The following PDIA5 variants were observed in gnomAD, a reference collection of about 807,000 sequenced individuals.
PDIA5 encodes the protein protein disulfide-isomerase A5.
Under a neutral mutation model 77.6 loss-of-function variants are expected in PDIA5, and 58 were observed. The ratio of observed to expected loss-of-function variants is 0.75; its 90% CI spans 0.61 to 0.93. PDIA5 has a LOEUF of 0.93. PDIA5 is among the 40% of genes least tolerant of loss of function. The pLI is 0.00. For missense variants in PDIA5, 630 were observed against 647.7 expected (o/e 0.97, Z 0.30); for synonymous variants, 250 against 252.1 (o/e 0.99, Z 0.08).
intron 11 of PDIA5, among the ~76,000 whole-genome samples, chr3:123,136,616 G>C (rs972370591): frequency 1.3e-5 from 2 of 150,312 alleles, no homozygotes; most frequent in African/African-American, 2.4e-5. Context: ...GTGCACGCCT[G>C]TAGTCCCAGC....
At chr3:123,147,926 C>T (rs968320225) in intron 13 of PDIA5, among the ~76,000 whole-genome samples, 7 of 152,122 alleles carry the variant, frequency 4.6e-5, no homozygotes, top group African/African-American at 7.2e-5. Flanking sequence ...TCCAGAGTGT[C>T]GATCATCACT....
At chr3:123,094,236 G>A (rs764385792) in intron 3 of PDIA5, among the ~76,000 whole-genome samples, 19 of 152,230 alleles carry the variant, frequency 1.2e-4, no homozygotes, top group Non-Finnish European at 2.6e-4. Context: ...TCCTGTAAGA[G>A]GAAATAGAAA....
chr3:123,106,597 C>A (rs1397634141), intron 5 of PDIA5, 152 bp from the exon 6 acceptor site: 7 of 624,582 alleles, frequency 1.1e-5, no homozygotes, highest in Non-Finnish European at 1.7e-5. Context: ...GCGGAAATAA[C>A]ACACCCTCCA....
chr3:123,075,021 GT>G (rs983984326), intron 1 of PDIA5, among the ~76,000 whole-genome samples: 23 of 152,306 alleles, frequency 1.5e-4, no homozygotes, highest in African/African-American at 3.9e-4. Context: ...AATTATTTCT[GT>G]TTGGTAAAGA....
chr3:123,070,923 A>G (rs1249145621), intron 1 of PDIA5, among the ~76,000 whole-genome samples: 3 of 152,122 alleles, frequency 2.0e-5, no homozygotes, highest in African/African-American at 7.2e-5. Flanking sequence ...ACTGGAAAAA[A>G]AAAATGGTGT....
At chr3:123,116,867 G>A (rs1279465425) in intron 8 of PDIA5, among the ~76,000 whole-genome samples, 1 of 152,150 alleles carries the variant, frequency 6.6e-6, no homozygotes, top group East Asian at 1.9e-4. Context: ...AAGGAGTGTA[G>A]GGAAGGATAG....
intron 11 of PDIA5, among the ~76,000 whole-genome samples, chr3:123,135,828 AT>A (rs1425301672): frequency 2.4e-5 from 1 of 40,944 alleles, no homozygotes; most frequent in Admixed American, 2.6e-4. Context: ...TTTAACTTTT[AT>A]TTTTTAAAAG....
intron 1 of PDIA5, among the ~76,000 whole-genome samples, chr3:123,067,879 T>A (rs996157466): frequency 5.9e-5 from 9 of 152,182 alleles, no homozygotes; most frequent in African/African-American, 2.2e-4. Flanking sequence ...AAGGCAAAGC[T>A]ACCCCCATAG....
chr3:123,106,916 C>G, intron 6 of PDIA5, 75 bp downstream of exon 6: 1 of 960,516 alleles, frequency 1.0e-6, no homozygotes, highest in South Asian at 1.4e-5. Flanking sequence ...GAAAGGAGCC[C>G]AACGAACTGA....
chr3:123,116,027 G>A (rs1269079759), intron 7 of PDIA5, among the ~76,000 whole-genome samples: 26 of 152,198 alleles, frequency 1.7e-4, no homozygotes, highest in Admixed American at 1.7e-3. Flanking sequence ...GCCTTGTTTT[G>A]CACCACTGAT....
At chr3:123,110,161 T>C (rs936516937) in intron 6 of PDIA5, among the ~76,000 whole-genome samples, 3 of 152,226 alleles carry the variant, frequency 2.0e-5, no homozygotes, top group African/African-American at 7.2e-5. Flanking sequence ...GGAAGAAAAG[T>C]CTCTACCCTG....
chr3:123,149,959 T>TG (rs993259286), intron 13 of PDIA5, among the ~76,000 whole-genome samples: 4 of 152,138 alleles, frequency 2.6e-5, no homozygotes, highest in Admixed American at 1.3e-4. Flanking sequence ...GGCCCACAAC[T>TG]GGGGGGGCTG....
rs1418325762 is a variant in PDIA5 at position 123,067,190 on chromosome 3, T to C, written c.26T>C (p.Leu9Pro). 3 of 1,247,858 alleles carry C rather than the reference T, an allele frequency of 2.4e-6. No individual in the cohort carries two copies. Among genetic ancestry groups the C allele is most frequent in the Non-Finnish European group, 3.0e-6 (3 of 990,560 alleles). 77.3% of individuals were successfully genotyped at this position (1,247,858 alleles called of 1,614,324 possible). Reference protein sequence around the residue: MARAGPAWLLLAIWVVLPS... With the variant: MARAGPAWPLLAIWVVLPS... ...ATGGCGCGGGCCGGGCCGGCGTGGC[T>C]GCTGCTGGCAATCTGGGTGAGACTG... is the stretch of plus-strand genomic sequence containing the variant. Residue 9 changes from leucine to proline, a missense_variant, in exon 1 of 17, where the codon CTG becomes CCG. Physicochemically the swap from Leu to Pro is moderately conservative, Grantham distance 98. Transcript: ENST00000316218.
In PDIA5 at chr3:123,130,514, C is replaced by G; in HGVS notation, c.808C>G (p.Pro270Ala). 1 of 1,614,054 alleles carries G rather than the reference C, an allele frequency of 6.2e-7. No homozygotes were observed. The highest frequency in any genetic ancestry group is 1.1e-5 in the South Asian group (1 of 91,064). The part of the protein sequence containing the change: ...QPPQPQVPET[P>A]WADEGGSVYH... The stretch of plus-strand genomic sequence containing the variant: ...GCCACAGCCCCAGGTCCCTGAGACT[C>G]CCTGGGCAGATGAGGGCGGCTCCGT... The change falls in exon 11 of 17, where the codon CCC becomes GCC. Residue 270 changes from proline (P) to alanine (A), a missense_variant. Physicochemically the swap from Pro to Ala is conservative, Grantham distance 27 (BLOSUM62 -1). Transcript: ENST00000316218.
chr3:123,161,926 A>G lies in PDIA5; in HGVS notation c.1526A>G (p.His509Arg), dbSNP rs1465267931. 3.7e-6 allele frequency: 6 copies of G among 1,606,314 alleles called. No individual in the cohort carries two copies. Among genetic ancestry groups the G allele is most frequent in the Admixed American group, 1.7e-5 (1 of 59,938 alleles). Residue 509 changes from histidine to arginine, a missense_variant, in exon 17 of 17, where the codon CAT (histidine) becomes CGT (arginine). His to Arg is a conservative substitution (Grantham distance 29). Coordinates refer to ENST00000316218, the MANE Select transcript of PDIA5 (RefSeq NM_006810.4). ...NYIRALREGDHERLGKKKEEL is the reference protein window; with the variant it reads ...NYIRALREGDRERLGKKKEEL ...ATTCGAGCCCTCCGGGAGGGAGACCATGAAAGACTAGGGAAAAAGAAGGAA... is the reference window on the plus strand; with the variant it reads ...ATTCGAGCCCTCCGGGAGGGAGACCGTGAAAGACTAGGGAAAAAGAAGGAA...
At chr3:123,104,159 T>C (rs1296319100) in intron 5 of PDIA5, among the ~76,000 whole-genome samples, 1 of 152,224 alleles carries the variant, frequency 6.6e-6, no homozygotes, top group Non-Finnish European at 1.5e-5. Flanking sequence ...GTCAGCGTTC[T>C]CTTGACCTTC....
chr3:123,099,021 C>T (rs1934514807), intron 3 of PDIA5, among the ~76,000 whole-genome samples: 1 of 152,196 alleles, frequency 6.6e-6, no homozygotes, highest in Non-Finnish European at 1.5e-5. Context: ...TATTCATTGT[C>T]TGCACTGCAC....
Position 123,092,427 on chromosome 3 carries a change from G to C in PDIA5, c.242G>C (p.Cys81Ser), listed in dbSNP as rs1487610441. 2 of 1,613,608 alleles carry C rather than the reference G, an allele frequency of 1.2e-6. No homozygotes were observed. The highest frequency in any genetic ancestry group is 1.3e-5 in the African/African-American group (1 of 75,010). The change falls in exon 3 of 17, where the codon TGC becomes TCC. Residue 81 changes from cysteine (C) to serine (S), a missense_variant. Cys to Ser is a moderately radical substitution (Grantham distance 112). Transcript: ENST00000316218. ...GCGGTGAAAGGACAAGGGACCATCTGCTGGGTGGACTGTGGGTATGTGCTG... is the reference window on the plus strand; with the variant it reads ...GCGGTGAAAGGACAAGGGACCATCTCCTGGGTGGACTGTGGGTATGTGCTG... Reference protein sequence around the residue: ...AQAVKGQGTICWVDCGDAESR... With the variant: ...AQAVKGQGTISWVDCGDAESR...
At chr3:123,150,751 C>T (rs1006785525) in intron 14 of PDIA5, among the ~76,000 whole-genome samples, 1 of 150,406 alleles carries the variant, frequency 6.6e-6, no homozygotes, top group African/African-American at 2.4e-5. Flanking sequence ...CACCTTGGAA[C>T]CCCCTCTCCC....
Sources: gnomAD v4.1 joint callset for allele counts (sites outside exome capture counted in the v4.1 genomes callset) on GRCh38, gnomAD v4.1.1 for gene constraint, MANE v1.5 for transcripts, NCBI Gene and HGNC (gene_info 2026-07-23, HGNC 2026-07-21) for gene names.